Variants in PRDM15 observed in about 807,000 individuals in gnomAD.
The protein encoded by PRDM15 is PR/SET domain 15, also known as PR domain zinc finger protein 15.
A neutral mutation model predicts 128.6 loss-of-function variants in PRDM15; 64 were observed. The ratio of observed to expected loss-of-function variants is 0.50; its 90% CI spans 0.41 to 0.61. The LOEUF (loss-of-function observed/expected upper bound fraction) is 0.61, where lower values mean the gene tolerates loss of function less well. PRDM15 is among the 20% of genes least tolerant of loss of function. The pLI is 0.00. For synonymous variants in PRDM15, 615 were observed against 621.8 expected, an observed-to-expected ratio of 0.99 and a Z score of 0.16; for missense variants, 1,242 against 1,569.1, an observed-to-expected ratio of 0.79 and a Z score of 3.52.
At chr21:41,835,802 G>A (rs2062855289) in intron 10 of PRDM15, among the ~76,000 whole-genome samples, 1 of 76,788 alleles carries the variant, frequency 1.3e-5, no homozygotes, top group African/African-American at 4.9e-5. Flanking sequence ...ACCAGGACGA[G>A]GGGCTGACAG....
intron 9 of PRDM15, 42 bp from the exon 10 acceptor site, chr21:41,836,249 C>T (rs1349543563): frequency 1.9e-6 from 3 of 1,565,664 alleles, no homozygotes; most frequent in Admixed American, 3.4e-5. Flanking sequence ...CTACTTAGAG[C>T]ATTTACCGAG....
chr21:41,878,746 G>A (rs768115023), intron 1 of PRDM15: 1 of 1,566,400 alleles, frequency 6.4e-7, no homozygotes, highest in South Asian at 1.1e-5. Context: ...ACCCCCCCGT[G>A]CGACCCGCAT....
intron 1 of PRDM15, among the ~76,000 whole-genome samples, chr21:41,875,373 G>C (rs921842236): frequency 5.9e-5 from 9 of 152,288 alleles, no homozygotes; most frequent in African/African-American, 9.6e-5. Context: ...ACCAGGAGCA[G>C]CCAGGCTCTT....
At chr21:41,819,105 T>G (rs2062154562) in intron 18 of PRDM15, among the ~76,000 whole-genome samples, 1 of 152,270 alleles carries the variant, frequency 6.6e-6, no homozygotes. Context: ...TTATCACATC[T>G]TTCTGCTTTC....
At chr21:41,824,483 T>TA (rs1269693403) in intron 13 of PRDM15, among the ~76,000 whole-genome samples, 14 of 152,170 alleles carry the variant, frequency 9.2e-5, no homozygotes, top group Admixed American at 6.5e-5. Flanking sequence ...CCTCAGTGTT[T>TA]ATTCAATAAA....
chr21:41,818,537 G>A (rs2146355386), intron 18 of PRDM15, among the ~76,000 whole-genome samples: 1 of 152,326 alleles, frequency 6.6e-6, no homozygotes, highest in South Asian at 2.1e-4. Flanking sequence ...CCTCTGAGGT[G>A]AGGAACAGAG....
intron 10 of PRDM15, among the ~76,000 whole-genome samples, chr21:41,835,908 C>T (rs1269423329): frequency 3.4e-5 from 5 of 146,164 alleles, no homozygotes; most frequent in Admixed American, 6.8e-5. Flanking sequence ...CCACAGCCCT[C>T]GCCCACTCTC....
intron 13 of PRDM15, among the ~76,000 whole-genome samples, chr21:41,825,202 G>T (rs28371995): frequency 6.6e-6 from 1 of 152,132 alleles, no homozygotes; most frequent in Non-Finnish European, 1.5e-5. Context: ...GCTAAGTAAC[G>T]AAGAAGTGAT....
At chr21:41,867,238 T>C in intron 1 of PRDM15, 3 of 1,275,508 alleles carry the variant, frequency 2.4e-6, no homozygotes, top group Non-Finnish European at 3.4e-6. Context: ...GCTGCGCCGG[T>C]AGTCAAACTT....
At chr21:41,824,978 G>A (rs564873517) in intron 13 of PRDM15, among the ~76,000 whole-genome samples, 5 of 152,348 alleles carry the variant, frequency 3.3e-5, no homozygotes, top group South Asian at 2.1e-4. Flanking sequence ...CTGGATGAGC[G>A]TCACTCCGGG....
chr21:41,824,884 T>C (rs1334948373), intron 13 of PRDM15, among the ~76,000 whole-genome samples: 1 of 152,254 alleles, frequency 6.6e-6, no homozygotes, highest in African/African-American at 2.4e-5. Flanking sequence ...AGCTCGGTGA[T>C]GGTGCTGCAT....
At chr21:41,857,097 G>T in intron 4 of PRDM15, 79 bp downstream of exon 4, 2 of 1,289,152 alleles carry the variant, frequency 1.6e-6, no homozygotes, top group Non-Finnish European at 2.2e-6. Context: ...GAAACTCAGT[G>T]GTCCTTGCTC....
At position 41,832,023 on chromosome 21, in the gene PRDM15, C is replaced by T. The variant is rs529627449; in HGVS notation, c.1366+3414G>A. Among the ~76,000 whole-genome samples, 16 of 151,544 alleles carry T rather than the reference C, an allele frequency of 1.1e-4. No homozygotes were observed. The South Asian group carries it at 1.3e-3, about 12-fold the overall frequency. ...GGCTTAAGATTTGATGGGCTCTGTC[C>T]GGATCCACACGACCGCATGGTATGT... On this transcript the variant is annotated intron_variant, in intron 11 of 23. Transcript: ENST00000398548. This position sits in a 1 kb window ranked among gnomAD's most constrained non-coding sequence, Gnocchi z 4.2.
chr21:41,867,888 C>T (rs1056751157), intron 1 of PRDM15, among the ~76,000 whole-genome samples: 1 of 152,094 alleles, frequency 6.6e-6, no homozygotes, highest in Non-Finnish European at 1.5e-5. Context: ...AAAACCCCAT[C>T]TCCACTAAAA....
chr21:41,809,336 G>T (rs140306768), intron 21 of PRDM15, among the ~76,000 whole-genome samples: 6 of 151,442 alleles, frequency 4.0e-5, no homozygotes, highest in Non-Finnish European at 8.8e-5. Flanking sequence ...GGGTTCAAGC[G>T]ATTCTGCTGC....
rs551961135 is a variant in PRDM15 at position 41,832,514 on chromosome 21, T to A, written c.1366+2923A>T. 2.0e-5 allele frequency among the ~76,000 whole-genome samples: 3 copies of A among 151,852 alleles called. No individual in the cohort carries two copies. In the South Asian group the frequency reaches 6.3e-4, roughly 32 times the overall value. On this transcript the variant is annotated intron_variant, in intron 11 of 23. Coordinates refer to ENST00000398548, the MANE Select transcript of PRDM15 (RefSeq NM_001040424.3). The surrounding 1 kb of genome is among the most constrained non-coding windows in gnomAD (Gnocchi z 4.2). ...ACAGTGCTGTGGCAACGGATCACCA[T>A]AGGCCACACCTTTACAGTGCTGTGG... is the stretch of plus-strand genomic sequence containing the variant.
In PRDM15 at chr21:41,810,051, A is replaced by G. The variant is rs971767171; in HGVS notation, c.2652+103T>C. ...CACCTAAGACTCAGGGCCTGCCTCC[A>G]GTACTGGGGGTCTGCAGAGGGAGGT... is the stretch of plus-strand genomic sequence containing the variant. On this transcript the variant is annotated intron_variant, in intron 21 of 23. Transcript: ENST00000398548. The surrounding 1 kb of genome is among the most constrained non-coding windows in gnomAD (Gnocchi z 6.4). 1.7e-6 allele frequency: 2 copies of G among 1,174,962 alleles called. No homozygotes were observed. Among genetic ancestry groups the G allele is most frequent in the African/African-American group, 1.5e-5 (1 of 66,596 alleles). 72.8% of individuals were successfully genotyped at this position (1,174,962 alleles called of 1,614,324 possible).
intron 1 of PRDM15, among the ~76,000 whole-genome samples, chr21:41,868,856 A>AT (rs2064111996): frequency 6.6e-6 from 1 of 151,388 alleles, no homozygotes. Context: ...TGCCCAGCTA[A>AT]TTTTTGTATT....
At chr21:41,817,961 C>T (rs2062109018) in intron 18 of PRDM15, among the ~76,000 whole-genome samples, 2 of 152,218 alleles carry the variant, frequency 1.3e-5, no homozygotes, top group South Asian at 4.1e-4. Context: ...TGGCTTTACC[C>T]CACACCCCTT....
Sources: gnomAD v4.1 joint callset for allele counts (sites outside exome capture counted in the v4.1 genomes callset) on GRCh38, gnomAD v4.1.1 for gene constraint, Gnocchi (gnomAD v3.1) non-coding constraint, MANE v1.5 for transcripts, NCBI Gene and HGNC (gene_info 2026-07-23, HGNC 2026-07-21) for gene names.